The following SH3KBP1 variants were observed in gnomAD, a reference collection of about 807,000 sequenced individuals.
SH3KBP1 encodes SH3 domain containing kinase binding protein 1.
Under a neutral mutation model 50.1 loss-of-function variants are expected in SH3KBP1, and 8 were observed. That is an observed-to-expected ratio of 0.16 (90% CI 0.09 to 0.29). The LOEUF is 0.29. Among genes scored for constraint, SH3KBP1 ranks in the 10% least tolerant of loss-of-function variants. The probability of loss-of-function intolerance (pLI) is 1.00; values close to 1 mark genes in which losing one functional copy is unlikely to be tolerated. For missense variants in SH3KBP1, 377 were observed against 535.2 expected (o/e 0.70, Z 2.92); for synonymous variants, 227 against 218.6 (o/e 1.04, Z -0.34).
At chrX:19,742,498 T>C (rs1352141351) in intron 3 of SH3KBP1, among the ~76,000 whole-genome samples, 1 of 112,074 alleles carries the variant, frequency 8.9e-6, no homozygotes, top group Non-Finnish European at 1.9e-5. Context: ...TTAGGATATA[T>C]GCTAACTGTT....
chrX:19,613,143 C>T (rs6527939), intron 8 of SH3KBP1, among the ~76,000 whole-genome samples: 6,616 of 111,922 alleles, frequency 0.059, 499 homozygotes, highest in African/African-American at 0.2. Context: ...CCAAGGAAGA[C>T]GGTAGAAGTT....
At chrX:19,606,455 A>G (rs1270873604) in intron 9 of SH3KBP1, among the ~76,000 whole-genome samples, 2 of 112,648 alleles carry the variant, frequency 1.8e-5, no homozygotes, top group Non-Finnish European at 1.9e-5. Context: ...TCAGTGACTG[A>G]TTTTGTCAAA....
chrX:19,546,106 T>G (rs767730918), intron 14 of SH3KBP1, 56 bp from the exon 15 acceptor site: 4 of 1,168,432 alleles, frequency 3.4e-6, no homozygotes, highest in Non-Finnish European at 4.7e-6. Context: ...CTGACACCAC[T>G]TTCGTTAATA....
At chrX:19,702,950 C>T (rs1473479538) in intron 4 of SH3KBP1, among the ~76,000 whole-genome samples, 1 of 112,415 alleles carries the variant, frequency 8.9e-6, no homozygotes, top group Non-Finnish European at 1.9e-5. Flanking sequence ...CCTTTAGGTT[C>T]ACAATGATGA....
chrX:19,631,482 G>A (rs1306864091), intron 8 of SH3KBP1, among the ~76,000 whole-genome samples: 1 of 109,728 alleles, frequency 9.1e-6, no homozygotes, highest in Non-Finnish European at 1.9e-5. Context: ...TTTTCTGCCT[G>A]TGAGGCATGA....
At chrX:19,638,025 C>T (rs561530374) in intron 7 of SH3KBP1, among the ~76,000 whole-genome samples, 2 of 108,358 alleles carry the variant, frequency 1.8e-5, no homozygotes, top group South Asian at 8.1e-4. Flanking sequence ...TGCAATGAGC[C>T]GAGATTGCAC....
chrX:19,718,737 C>G (rs187915574), intron 3 of SH3KBP1, among the ~76,000 whole-genome samples: 163 of 111,749 alleles, frequency 1.5e-3, no homozygotes, highest in African/African-American at 5.0e-3. Flanking sequence ...CAAGGGGCCT[C>G]GGACCTCCCA....
chrX:19,622,656 C>T (rs1440108721), intron 8 of SH3KBP1, among the ~76,000 whole-genome samples: 5 of 112,176 alleles, frequency 4.5e-5, no homozygotes, highest in Non-Finnish European at 9.4e-5. Flanking sequence ...AAGGAAGTGG[C>T]AGAAATGCAC....
intron 2 of SH3KBP1, among the ~76,000 whole-genome samples, chrX:19,800,039 A>G (rs1181348134): frequency 9.0e-6 from 1 of 111,696 alleles, no homozygotes; most frequent in Non-Finnish European, 1.9e-5. Flanking sequence ...CTGCAGTAAC[A>G]GCAAAATGGA....
chrX:19,713,493 C>T (rs1385339870), intron 3 of SH3KBP1, among the ~76,000 whole-genome samples: 1 of 108,529 alleles, frequency 9.2e-6, no homozygotes, highest in African/African-American at 3.4e-5. Context: ...AACTCCTGGG[C>T]TCAAGTGATC....
chrX:19,722,373 A>G (rs772887415), intron 3 of SH3KBP1, among the ~76,000 whole-genome samples: 1 of 111,452 alleles, frequency 9.0e-6, no homozygotes, highest in East Asian at 2.8e-4. Flanking sequence ...CCCTCCCCCA[A>G]CTCAGCCCTA....
chrX:19,784,400 G>A (rs948795647), intron 2 of SH3KBP1, among the ~76,000 whole-genome samples: 24 of 111,062 alleles, frequency 2.2e-4, no homozygotes, highest in African/African-American at 7.9e-4. Context: ...TTCAAAGAAT[G>A]GCACCCACTG....
intron 6 of SH3KBP1, among the ~76,000 whole-genome samples, chrX:19,683,547 C>T (rs191645393): frequency 6.1e-4 from 68 of 111,257 alleles, no homozygotes; most frequent in African/African-American, 2.2e-3. Context: ...TTCTGGGAAG[C>T]AGATAGAGAA....
chrX:19,848,129 A>AT (rs931625317), intron 1 of SH3KBP1, among the ~76,000 whole-genome samples: 3 of 112,157 alleles, frequency 2.7e-5, no homozygotes, highest in African/African-American at 9.7e-5. Context: ...CAATGTATAC[A>AT]TTTTTTTCTG....
At chrX:19,564,084 C>T (rs1382046197) in intron 13 of SH3KBP1, among the ~76,000 whole-genome samples, 8 of 109,628 alleles carry the variant, frequency 7.3e-5, no homozygotes, top group Non-Finnish European at 1.5e-4. Context: ...ATAACTGGCT[C>T]TCTGGCTCCA....
intron 3 of SH3KBP1, among the ~76,000 whole-genome samples, chrX:19,713,099 T>C (rs1334148620): frequency 1.8e-5 from 2 of 109,921 alleles, no homozygotes; most frequent in Non-Finnish European, 3.8e-5. Context: ...GGCGCACTCC[T>C]GTAGTCTCAG....
chrX:19,577,087 G>A (rs889613107), intron 12 of SH3KBP1, among the ~76,000 whole-genome samples: 2 of 112,231 alleles, frequency 1.8e-5, no homozygotes, highest in African/African-American at 3.2e-5. Context: ...TGCTTCATAG[G>A]TATTGAACTC....
chrX:19,678,836 G>A lies in SH3KBP1; in HGVS notation c.726+4987C>T, dbSNP rs776999429. Among the ~76,000 whole-genome samples, 6 of 111,119 alleles carry A rather than the reference G, an allele frequency of 5.4e-5. No homozygotes were observed. The South Asian group carries it at 1.9e-3, about 35-fold the overall frequency. ...CTTTCGCTAAACCACCTATCTGATC[G>A]TGTCACTCTCTTGCTTAAAACACTT... On this transcript the variant is annotated intron_variant, in intron 6 of 17. Coordinates refer to ENST00000397821, the MANE Select transcript of SH3KBP1 (RefSeq NM_031892.3).
chrX:19,740,722 A>G (rs1197866034), intron 3 of SH3KBP1: 1 of 308,079 alleles, frequency 3.2e-6, no homozygotes, highest in South Asian at 3.1e-5. Context: ...CCACTGGCAA[A>G]CCAAAGAGGT....
Sources: allele counts gnomAD v4.1 joint callset (sites outside exome capture counted in the v4.1 genomes callset), GRCh38; gene constraint gnomAD v4.1.1; transcripts MANE v1.5; gene names NCBI Gene and HGNC (gene_info 2026-07-23, HGNC 2026-07-21).